GABRA4: variants seen among roughly 807,000 people sequenced by gnomAD.
GABRA4 encodes gamma-aminobutyric acid receptor subunit alpha-4.
A neutral mutation model predicts 49.7 loss-of-function variants in GABRA4; 12 were observed. The observed-to-expected ratio is 0.24, with a 90% CI of 0.15 to 0.39. The LOEUF (loss-of-function observed/expected upper bound fraction) is 0.39. Ranked by LOEUF, GABRA4 falls within the 10% of genes least tolerant of loss-of-function variation. The pLI is 1.00. For synonymous variants in GABRA4, 288 were observed against 240.2 expected, an observed-to-expected ratio of 1.20 and a Z score of -1.84; for missense variants, 506 against 686.0, an observed-to-expected ratio of 0.74 and a Z score of 2.93.
At position 46,992,820 on chromosome 4, in the gene GABRA4, G is replaced by C; in HGVS notation, c.205+8C>G. 1.2e-6 allele frequency: 2 copies of C among 1,602,358 alleles called. No individual in the cohort carries two copies. The highest frequency in any genetic ancestry group is 2.2e-5 in the South Asian group (2 of 90,844). On this transcript the variant is annotated splice_region_variant and intron_variant, in intron 2 of 8. Coordinates refer to ENST00000264318, the MANE Select transcript of GABRA4 (RefSeq NM_000809.4). ...AGGACACACTTGCGCGTTTGAAATC[G>C]TTCATACCCCCAAATCCAGGACGCA...
chr4:46,959,814 T>TTATA (rs1452856858), intron 8 of GABRA4, among the ~76,000 whole-genome samples: 2 of 104,768 alleles, frequency 1.9e-5, no homozygotes, highest in African/African-American at 6.9e-5. Context: ...AACACAAAAA[T>TTATA]TATGTATATA....
intron 2 of GABRA4, among the ~76,000 whole-genome samples, chr4:46,987,389 C>G (rs544621076): frequency 6.6e-6 from 1 of 152,120 alleles, no homozygotes; most frequent in South Asian, 2.1e-4. Flanking sequence ...ACCCTCTCCC[C>G]TGCTTTACAT....
intron 8 of GABRA4, among the ~76,000 whole-genome samples, chr4:46,944,484 C>T (rs1044419521): frequency 1.3e-5 from 2 of 152,014 alleles, no homozygotes; most frequent in African/African-American, 2.4e-5. Context: ...CTTGAGAACA[C>T]CTTAAAAATA....
intron 6 of GABRA4, among the ~76,000 whole-genome samples, chr4:46,971,871 T>C (rs1512135): frequency 0.13 from 20,161 of 151,354 alleles, 1,874 homozygotes; most frequent in Admixed American, 0.3. Flanking sequence ...ATAACACCCC[T>C]GAGTTCAAGC....
chr4:46,983,154 G>C (rs1723416862), intron 2 of GABRA4, among the ~76,000 whole-genome samples: 1 of 151,956 alleles, frequency 6.6e-6, no homozygotes, highest in African/African-American at 2.4e-5. Context: ...CCCTTGTATT[G>C]ATCTCCAAAG....
intron 8 of GABRA4, among the ~76,000 whole-genome samples, chr4:46,955,925 CT>C (rs1269147112): frequency 6.6e-6 from 1 of 152,078 alleles, no homozygotes; most frequent in Non-Finnish European, 1.5e-5. Flanking sequence ...ATCCTCAGTG[CT>C]TTGCAGGTGA....
At chr4:46,981,824 T>C (rs1236528252) in intron 2 of GABRA4, among the ~76,000 whole-genome samples, 4 of 152,142 alleles carry the variant, frequency 2.6e-5, no homozygotes. Context: ...AAGCAGTGAC[T>C]TTTAAACTCA....
chr4:46,992,013 A>T (rs139142199), intron 2 of GABRA4, among the ~76,000 whole-genome samples: 1 of 152,328 alleles, frequency 6.6e-6, no homozygotes, highest in East Asian at 1.9e-4. Flanking sequence ...GGACCCTAGC[A>T]AGTCATTTGT....
intron 2 of GABRA4, among the ~76,000 whole-genome samples, chr4:46,983,352 T>A (rs1329539846): frequency 1.3e-5 from 2 of 152,124 alleles, no homozygotes; most frequent in African/African-American, 4.8e-5. Flanking sequence ...TACAGCATAC[T>A]GCTTGGGTCT....
At chr4:46,969,193 AC>A (rs1276315088) in intron 7 of GABRA4, among the ~76,000 whole-genome samples, 1 of 151,420 alleles carries the variant, frequency 6.6e-6, no homozygotes, top group Non-Finnish European at 1.5e-5. Context: ...TGACACTATC[AC>A]CTCTTGATTA....
chr4:46,977,322 G>GAGGA, intron 4 of GABRA4, 88 bp downstream of exon 4: 1 of 656,988 alleles, frequency 1.5e-6, no homozygotes, highest in Non-Finnish European at 2.5e-6. Flanking sequence ...GGGAGGAAGG[G>GAGGA]AGGGAGGAAG....
At position 46,921,968 on chromosome 4, in the gene GABRA4, A is replaced by ACCATCTTTGTTTGAAACATC. The variant is rs577693869; in HGVS notation, c.*6256_*6257insGATGTTTCAAACAAAGATGG. 2.6e-4 allele frequency: 40 copies of ACCATCTTTGTTTGAAACATC among 152,270 alleles called. No homozygotes were observed. The East Asian group carries it at 7.2e-3, about 27-fold the overall frequency. 9.4% of individuals were successfully genotyped at this position (152,270 alleles called of 1,614,324 possible). ...CATTATCCTGCGATGTTTCAAACAA[A>ACCATCTTTGTTTGAAACATC]GATGGTTTGTTTGAAACCTCTGTAA... is the stretch of plus-strand genomic sequence containing the variant. On this transcript the variant is annotated 3_prime_UTR_variant, in exon 9 of 9. Coordinates refer to ENST00000264318, the MANE Select transcript of GABRA4 (RefSeq NM_000809.4).
chr4:46,947,237 G>A (rs1400857612), intron 8 of GABRA4, among the ~76,000 whole-genome samples: 2 of 151,932 alleles, frequency 1.3e-5, no homozygotes, highest in African/African-American at 4.8e-5. Flanking sequence ...GTGAACTGAT[G>A]GAAACATTCC....
At chr4:46,944,992 A>G (rs766016671) in intron 8 of GABRA4, among the ~76,000 whole-genome samples, 4 of 152,160 alleles carry the variant, frequency 2.6e-5, no homozygotes, top group African/African-American at 4.8e-5. Flanking sequence ...TGATGAGTAA[A>G]CAGTATTAAA....
intron 8 of GABRA4, among the ~76,000 whole-genome samples, chr4:46,964,286 G>A (rs1367518702): frequency 6.6e-6 from 1 of 151,822 alleles, no homozygotes; most frequent in Non-Finnish European, 1.5e-5. Flanking sequence ...GAGTTTGGTG[G>A]AGGGAAGATG....
At chr4:46,990,876 C>G (rs780009492) in intron 2 of GABRA4, among the ~76,000 whole-genome samples, 1 of 152,160 alleles carries the variant, frequency 6.6e-6, no homozygotes, top group African/African-American at 2.4e-5. Context: ...CTCATCTATC[C>G]TTATCAGTCA....
chr4:46,946,507 A>C (rs1443474116), intron 8 of GABRA4, among the ~76,000 whole-genome samples: 7 of 152,082 alleles, frequency 4.6e-5, no homozygotes, highest in Non-Finnish European at 1.0e-4. Context: ...GTGTAGCCTT[A>C]TGTTTCATTT....
At chr4:46,964,908 T>C in intron 8 of GABRA4, 62 bp downstream of exon 8, 2 of 1,485,958 alleles carry the variant, frequency 1.3e-6, no homozygotes, top group Non-Finnish European at 1.8e-6. Context: ...TTTGTTTCCC[T>C]GACAAAATAA....
chr4:46,930,523 A>T (rs770480938), intron 8 of GABRA4, among the ~76,000 whole-genome samples: 1 of 152,104 alleles, frequency 6.6e-6, no homozygotes, highest in Non-Finnish European at 1.5e-5. Context: ...AATAAAAAAT[A>T]TAATGAAAGG....
Sources: allele counts gnomAD v4.1 joint callset (sites outside exome capture counted in the v4.1 genomes callset), GRCh38; gene constraint gnomAD v4.1.1; transcripts MANE v1.5; gene names NCBI Gene and HGNC (gene_info 2026-07-23, HGNC 2026-07-21).